Variants in VAT1L observed in about 807,000 individuals in gnomAD.
The protein encoded by VAT1L is vesicle amine transport 1 like, also known as putative NADPH-dependent quinone oxidoreductase VAT1L.
In VAT1L, 34 loss-of-function variants were observed where a neutral mutation model predicts 44.1. The observed-to-expected ratio is 0.77, with a 90% CI of 0.59 to 1.03. The LOEUF is 1.03. Among genes scored for constraint, VAT1L ranks in the 50% least tolerant of loss-of-function variants. The probability of loss-of-function intolerance (pLI) is 0.00; values close to 1 mark genes in which losing one functional copy is unlikely to be tolerated. For synonymous variants in VAT1L, 253 were observed against 202.2 expected, an observed-to-expected ratio of 1.25 and a Z score of -2.13; for missense variants, 615 against 538.8, an observed-to-expected ratio of 1.14 and a Z score of -1.40.
chr16:77,891,367 A>C (rs893548253), intron 7 of VAT1L, among the ~76,000 whole-genome samples: 2 of 152,068 alleles, frequency 1.3e-5, no homozygotes, highest in African/African-American at 2.4e-5. Flanking sequence ...AAACAAACAA[A>C]CAAAAAAATT....
chr16:77,919,341 G>C (rs1033815792), intron 7 of VAT1L, among the ~76,000 whole-genome samples: 1 of 152,222 alleles, frequency 6.6e-6, no homozygotes, highest in Non-Finnish European at 1.5e-5. Flanking sequence ...ATGCTGGACT[G>C]ATTAGTTGAA....
chr16:77,943,842 T>C lies in VAT1L; in HGVS notation c.1078-28008T>C, dbSNP rs188952644. Among the ~76,000 whole-genome samples, 37 of 152,304 alleles carry C rather than the reference T, an allele frequency of 2.4e-4. No homozygotes were observed. In the East Asian group the frequency reaches 5.8e-3, roughly 24 times the overall value. On this transcript the variant is annotated intron_variant, in intron 7 of 8. Coordinates refer to ENST00000302536, the MANE Select transcript of VAT1L (RefSeq NM_020927.3). ...GCATGTGGCAGTTATTAGGATGCAA[T>C]TAGCATCACCATTTCTTTCCTCCAC...
chr16:77,863,051 C>G (rs1347337626), intron 4 of VAT1L, among the ~76,000 whole-genome samples, 161 bp downstream of exon 4: 2 of 152,176 alleles, frequency 1.3e-5, no homozygotes, highest in Non-Finnish European at 2.9e-5. Context: ...CGCATTAGTT[C>G]ATTTAATCCT....
chr16:77,977,814 C>A lies in VAT1L; in HGVS notation c.*119C>A. 2.0e-6 allele frequency: 2 copies of A among 987,096 alleles called. No homozygotes were observed. Among genetic ancestry groups the A allele is most frequent in the South Asian group, 1.6e-5 (1 of 63,000 alleles). The allele number at this position is 987,096 out of a possible 1,614,324, so 61.1% of individuals were successfully genotyped here. On this transcript the variant is annotated 3_prime_UTR_variant, in exon 9 of 9. Coordinates refer to ENST00000302536, the MANE Select transcript of VAT1L (RefSeq NM_020927.3). ...GTCCAGTGCGTGTCGTGTTTGTCTGCAGTCAGCTGAGCTAAAAAGCTGTTG... is the reference window on the plus strand; with the variant it reads ...GTCCAGTGCGTGTCGTGTTTGTCTGAAGTCAGCTGAGCTAAAAAGCTGTTG...
chr16:77,968,719 TCAAA>T (rs113058885), intron 7 of VAT1L, among the ~76,000 whole-genome samples: 148,144 of 151,508 alleles, frequency 0.98, 72,513 homozygotes, highest in Middle Eastern at 1. Flanking sequence ...AGACTCCATC[TCAAA>T]CAAACAAACA....
chr16:77,926,208 G>A (rs540147279), intron 7 of VAT1L, among the ~76,000 whole-genome samples: 98 of 147,144 alleles, frequency 6.7e-4, no homozygotes, highest in African/African-American at 1.5e-3. Context: ...AGCCGAGATC[G>A]CACCACTGCA....
At chr16:77,876,115 T>C (rs2017084602) in intron 4 of VAT1L, among the ~76,000 whole-genome samples, 1 of 152,188 alleles carries the variant, frequency 6.6e-6, no homozygotes, top group African/African-American at 2.4e-5. Flanking sequence ...CCCAAGTTCA[T>C]TCCTCTGGCC....
intron 1 of VAT1L, among the ~76,000 whole-genome samples, chr16:77,790,090 A>G (rs2015805950): frequency 6.6e-6 from 1 of 152,162 alleles, no homozygotes; most frequent in Non-Finnish European, 1.5e-5. Flanking sequence ...GGACCTCTCT[A>G]GAGGCACGAG....
chr16:77,867,458 G>GTTCATTCA (rs200714097), intron 4 of VAT1L, among the ~76,000 whole-genome samples: 99 of 151,924 alleles, frequency 6.5e-4, no homozygotes, highest in Middle Eastern at 3.4e-3. Context: ...CAGACCTTTT[G>GTTCATTCA]TTCATTCATT....
intron 7 of VAT1L, among the ~76,000 whole-genome samples, chr16:77,945,153 A>G (rs112028348): frequency 3.3e-5 from 5 of 152,118 alleles, no homozygotes; most frequent in Admixed American, 6.6e-5. Flanking sequence ...AGTCTGTCCA[A>G]TCTGTGGGGG....
Position 77,932,070 on chromosome 16 carries a change from G to A in VAT1L, c.1078-39780G>A, listed in dbSNP as rs9673375. The stretch of plus-strand genomic sequence containing the variant: ...ATTCTTATTCTTTCATGGCAAGGAA[G>A]GAAATGCATTATATAAGCCTGAAAT... On this transcript the variant is annotated intron_variant, in intron 7 of 8. Coordinates refer to ENST00000302536, the MANE Select transcript of VAT1L (RefSeq NM_020927.3). Among the ~76,000 whole-genome samples the A allele has an allele frequency of 3.0e-3, 461 of 151,568 alleles. 1 individual carries two copies. Among genetic ancestry groups the A allele is most frequent in the African/African-American group, 0.01 (433 of 41,270 alleles).
chr16:77,819,382 T>C (rs570261946), intron 2 of VAT1L, among the ~76,000 whole-genome samples: 1 of 152,084 alleles, frequency 6.6e-6, no homozygotes, highest in African/African-American at 2.4e-5. Flanking sequence ...TTTTTTCTTT[T>C]TTTTTTCTTT....
chr16:77,932,416 A>C (rs972686874), intron 7 of VAT1L, among the ~76,000 whole-genome samples: 1 of 152,066 alleles, frequency 6.6e-6, no homozygotes, highest in Non-Finnish European at 1.5e-5. Flanking sequence ...AAATACAGTA[A>C]ATTTTTAAAA....
At chr16:77,826,739 T>C (rs1391559761) in intron 3 of VAT1L, among the ~76,000 whole-genome samples, 2 of 152,248 alleles carry the variant, frequency 1.3e-5, no homozygotes, top group African/African-American at 4.8e-5. Context: ...TGGAAGGTAC[T>C]ACCTACTAGT....
intron 1 of VAT1L, among the ~76,000 whole-genome samples, chr16:77,789,766 C>T (rs1216584509): frequency 6.6e-6 from 1 of 151,654 alleles, no homozygotes; most frequent in East Asian, 1.9e-4. Flanking sequence ...TCTAAGCTGC[C>T]CTCTATTCCC....
intron 7 of VAT1L, among the ~76,000 whole-genome samples, chr16:77,886,098 C>T (rs1231254574): frequency 1.3e-5 from 2 of 152,190 alleles, no homozygotes; most frequent in Non-Finnish European, 2.9e-5. Context: ...GTTAACATTT[C>T]GGTTTGCTTC....
rs954940224 is a variant in VAT1L at position 77,980,026 on chromosome 16, G to C, written c.*2331G>C. On this transcript the variant is annotated 3_prime_UTR_variant, in exon 9 of 9. Transcript: ENST00000302536. Reference sequence around the variant, plus strand: ...ATTGTCTAATGTCTTTGTGGCTTTAGAGCTTTTGTTATATTGTGCCTATAA... The same window carrying C: ...ATTGTCTAATGTCTTTGTGGCTTTACAGCTTTTGTTATATTGTGCCTATAA... 2.6e-5 allele frequency: 4 copies of C among 152,696 alleles called. No individual in the cohort carries two copies. The highest frequency in any genetic ancestry group is 4.1e-4 in the South Asian group (2 of 4,824). The allele number at this position is 152,696 out of a possible 1,614,324, so 9.5% of individuals were successfully genotyped here. A position where few individuals can be genotyped will look rare whatever the true frequency, so the allele number is the denominator to read the frequency against.
Position 77,884,897 on chromosome 16 carries a change from T to C in VAT1L, c.1077+95T>C. The C allele has an allele frequency of 1.5e-6, 2 of 1,354,386 alleles. No individual in the cohort carries two copies. The highest frequency in any genetic ancestry group is 1.9e-6 in the Non-Finnish European group (2 of 1,030,222). 83.9% of individuals were successfully genotyped at this position (1,354,386 alleles called of 1,614,324 possible). On this transcript the variant is annotated intron_variant, in intron 7 of 8. Transcript: ENST00000302536. The surrounding 1 kb of genome is among the most constrained non-coding windows in gnomAD (Gnocchi z 4.5). Reference sequence around the variant, plus strand: ...ACAATCTTCTACTAAATGATTTTTTTCCCAGATGGGTTTGTTTTAAATGAG... The same window carrying C: ...ACAATCTTCTACTAAATGATTTTTTCCCCAGATGGGTTTGTTTTAAATGAG...
At chr16:77,838,363 C>T (rs569441213) in intron 3 of VAT1L, among the ~76,000 whole-genome samples, 2 of 152,294 alleles carry the variant, frequency 1.3e-5, no homozygotes, top group Admixed American at 6.5e-5. Context: ...CTTTGAGGCG[C>T]GTGGTCTCTG....
Sources: allele counts gnomAD v4.1 joint callset (sites outside exome capture counted in the v4.1 genomes callset), GRCh38; gene constraint gnomAD v4.1.1; non-coding constraint Gnocchi (gnomAD v3.1); transcripts MANE v1.5; gene names NCBI Gene and HGNC (gene_info 2026-07-23, HGNC 2026-07-21).